The following PAICS variants were observed in gnomAD, a reference collection of about 807,000 sequenced individuals.
PAICS encodes phosphoribosylaminoimidazole carboxylase and phosphoribosylaminoimidazolesuccinocarboxamide synthase.
In PAICS, 33 loss-of-function variants were observed where a neutral mutation model predicts 53.7. That is an observed-to-expected ratio of 0.61 (90% CI 0.47 to 0.82). The LOEUF (loss-of-function observed/expected upper bound fraction) is 0.82, where lower values mean the gene tolerates loss of function less well. PAICS is among the 40% of genes least tolerant of loss of function. PAICS has a pLI of 0.00. For synonymous variants in PAICS, 141 were observed against 167.2 expected (o/e 0.84, Z 1.21); for missense variants, 394 against 494.1 (o/e 0.80, Z 1.92).
intron 5 of PAICS, among the ~76,000 whole-genome samples, chr4:56,450,282 T>C (rs1168209932): frequency 6.6e-6 from 1 of 152,204 alleles, no homozygotes. Context: ...GGCACATGTA[T>C]ACCTATGTAA....
rs753847420 is a variant in PAICS, at chr4:56,448,604, A to T, written c.573+7A>T. On this transcript the variant is annotated splice_region_variant and intron_variant, in intron 4 of 8. Coordinates refer to ENST00000512576, the MANE Select transcript of PAICS (RefSeq NM_001079524.2). ...TACACTGGTTGATATGAAGGTACAG[A>T]TAAAACAAGTACAGATAAAACAACA... 3.2e-6 allele frequency: 5 copies of T among 1,554,902 alleles called. No individual in the cohort carries two copies. Among genetic ancestry groups the T allele is most frequent in the South Asian group, 1.1e-5 (1 of 88,320 alleles).
chr4:56,441,992 C>T, intron 2 of PAICS, 132 bp downstream of exon 2: 2 of 631,502 alleles, frequency 3.2e-6, no homozygotes, highest in Non-Finnish European at 5.5e-6. Flanking sequence ...TTAAATCAAA[C>T]CAAGAACCCT....
intron 8 of PAICS, among the ~76,000 whole-genome samples, chr4:56,455,958 C>T (rs1719171817): frequency 1.3e-5 from 2 of 151,502 alleles, no homozygotes; most frequent in African/African-American, 2.4e-5. Context: ...ATTTTCATAC[C>T]CCTCCATATT....
chr4:56,460,629 A>G lies in PAICS; in HGVS notation c.*1091A>G, dbSNP rs927657447. The G allele has an allele frequency of 1.3e-5, 2 of 152,218 alleles. No homozygotes were observed. Among genetic ancestry groups the G allele is most frequent in the African/African-American group, 4.8e-5 (2 of 41,430 alleles). The allele number at this position is 152,218 out of a possible 1,614,324, so 9.4% of individuals were successfully genotyped here. ...CACATAAAACTTACCAACAGATTTCATTGGTTCTTGGGTTCTCCCGAAGCC... is the reference window on the plus strand; with the variant it reads ...CACATAAAACTTACCAACAGATTTCGTTGGTTCTTGGGTTCTCCCGAAGCC... On this transcript the variant is annotated 3_prime_UTR_variant, in exon 9 of 9. Transcript: ENST00000512576.
intron 6 of PAICS, 146 bp from the exon 7 acceptor site, chr4:56,451,726 C>T (rs1718925997): frequency 8.6e-6 from 4 of 465,628 alleles, no homozygotes; most frequent in South Asian, 1.3e-4. Flanking sequence ...AAAATAAATC[C>T]TGTCTTTTTG....
At chr4:56,450,515 C>T in intron 5 of PAICS, 104 bp from the exon 6 acceptor site, 1 of 642,636 alleles carries the variant, frequency 1.6e-6, no homozygotes, top group Non-Finnish European at 2.8e-6. Context: ...AGAAGTATCC[C>T]TTGCTATACA....
rs1719529180 is a variant in PAICS, at chr4:56,461,864, T to C, written c.*2326T>C. ...AAAAAGAGAAAAAATATCCCAATAA[T>C]ACAGTTTTTAACCTTTTATGATAAA... On this transcript the variant is annotated 3_prime_UTR_variant, in exon 9 of 9. Transcript: ENST00000512576. The C allele has an allele frequency of 6.6e-6, 1 of 152,174 alleles. No homozygotes were observed. The highest frequency in any genetic ancestry group is 6.5e-5 in the Admixed American group (1 of 15,276). 9.4% of individuals were successfully genotyped at this position (152,174 alleles called of 1,614,324 possible).
chr4:56,434,936 G>A (rs953029957), upstream of PAICS, among the ~76,000 whole-genome samples: 1 of 152,206 alleles, frequency 6.6e-6, no homozygotes, highest in African/African-American at 2.4e-5. Flanking sequence ...GGTGTTGAAG[G>A]ACCTGGACTG....
intron 2 of PAICS, among the ~76,000 whole-genome samples, chr4:56,443,497 G>A (rs12504291): frequency 0.083 from 12,647 of 151,920 alleles, 676 homozygotes; most frequent in East Asian, 0.27. Context: ...CTGTTCCATC[G>A]ATTTTTTTTT....
chr4:56,416,712 T>C, the PAICS span, among the ~76,000 whole-genome samples: 9 of 152,232 alleles, frequency 5.9e-5, no homozygotes, highest in African/African-American at 1.9e-4. Context: ...CTCATAGTAA[T>C]GAACATGATC....
the PAICS span, among the ~76,000 whole-genome samples, chr4:56,427,920 T>C: frequency 6.6e-6 from 1 of 152,296 alleles, no homozygotes; most frequent in Admixed American, 6.5e-5. Context: ...TGGTAGAGAA[T>C]ACAGTAGAGA....
At chr4:56,458,151 A>C (rs1180458830) in intron 8 of PAICS, among the ~76,000 whole-genome samples, 1 of 152,182 alleles carries the variant, frequency 6.6e-6, no homozygotes, top group African/African-American at 2.4e-5. Context: ...GTGACAAATA[A>C]TCTGGAAGAC....
upstream of PAICS, chr4:56,436,185 A>G (rs769763577): frequency 3.3e-6 from 5 of 1,510,428 alleles, no homozygotes; most frequent in East Asian, 2.5e-5. Flanking sequence ...GCGGAGCTCG[A>G]AAAGAGTGGC....
At chr4:56,428,977 G>C in the PAICS span, 1 of 979,640 alleles carries the variant, frequency 1.0e-6, no homozygotes, top group African/African-American at 1.8e-5. Context: ...AAGGAACTTT[G>C]AGCTTCAAGA....
chr4:56,448,989 A>G (rs1482239261), intron 5 of PAICS, among the ~76,000 whole-genome samples, 166 bp downstream of exon 5: 3 of 152,186 alleles, frequency 2.0e-5, no homozygotes, highest in Non-Finnish European at 4.4e-5. Flanking sequence ...CTAATAGAAG[A>G]ATAATAGGAA....
rs1011310035 is a variant in PAICS at position 56,451,995 on chromosome 4, G to A, written c.895G>A (p.Val299Ile). 6.2e-7 allele frequency: 1 copy of A among 1,609,568 alleles called. No individual in the cohort carries two copies. The highest frequency in any genetic ancestry group is 8.5e-7 in the Non-Finnish European group (1 of 1,177,682). Residue 299 changes from valine (V) to isoleucine (I), a missense_variant, in exon 7 of 9, where the codon GTA becomes ATA. Physicochemically the swap from Val to Ile is conservative, Grantham distance 29 (BLOSUM62 3). Around this residue, in one of 3 missense-constraint regions of PAICS, gnomAD observed 131 missense variants for 205.5 expected, o/e 0.64. Coordinates refer to ENST00000512576, the MANE Select transcript of PAICS (RefSeq NM_001079524.2). ...TTTTGGCATTCCATGTGAACTTCGA[G>A]TAACATCTGCGCATAAAGGACCAGA... ...GNFGIPCELR[V>I]TSAHKGPDET...
chr4:56,426,130 C>T, the PAICS span, among the ~76,000 whole-genome samples: 9 of 152,274 alleles, frequency 5.9e-5, no homozygotes, highest in South Asian at 6.2e-4. Context: ...CTGCCAGGCA[C>T]GGTGGCTAAC....
the PAICS span, chr4:56,422,475 T>C: frequency 9.1e-6 from 1 of 110,316 alleles, no homozygotes; most frequent in African/African-American, 3.4e-5. Context: ...GGTTTTTTTT[T>C]TTTGTACGTG....
intron 8 of PAICS, among the ~76,000 whole-genome samples, chr4:56,458,556 A>C (rs2110101326): frequency 6.6e-6 from 1 of 152,332 alleles, no homozygotes; most frequent in South Asian, 2.1e-4. Flanking sequence ...TAACTTGACC[A>C]ATACCACATA....
Sources: allele counts gnomAD v4.1 joint callset (sites outside exome capture counted in the v4.1 genomes callset), GRCh38; gene constraint gnomAD v4.1.1; regional missense constraint gnomAD v4.1.1; transcripts MANE v1.5; gene names NCBI Gene and HGNC (gene_info 2026-07-23, HGNC 2026-07-21).